Variants in RORA observed in about 807,000 individuals in gnomAD.
RORA encodes nuclear receptor ROR-alpha.
Under a neutral mutation model 69.5 loss-of-function variants are expected in RORA, and 7 were observed. The ratio of observed to expected loss-of-function variants is 0.10; its 90% CI spans 0.06 to 0.19. RORA has a LOEUF of 0.19. Among genes scored for constraint, RORA ranks in the 10% least tolerant of loss-of-function variants. The pLI is 1.00. For missense variants in RORA, 457 were observed against 663.0 expected, an observed-to-expected ratio of 0.69 and a Z score of 3.41; for synonymous variants, 261 against 240.8, an observed-to-expected ratio of 1.08 and a Z score of -0.78.
chr15:60,585,297 T>TA (rs1406122623), intron 2 of RORA, among the ~76,000 whole-genome samples: 8 of 152,230 alleles, frequency 5.3e-5, no homozygotes, highest in Admixed American at 3.9e-4. Flanking sequence ...CTATTTATCC[T>TA]AAAAAATATG....
chr15:60,694,141 T>C (rs2070868754), intron 1 of RORA, among the ~76,000 whole-genome samples: 1 of 152,206 alleles, frequency 6.6e-6, no homozygotes. Flanking sequence ...GTAGTGAAGA[T>C]ACTGTTGGAT....
chr15:60,927,982 C>T (rs1892265723), intron 1 of RORA, among the ~76,000 whole-genome samples: 1 of 152,188 alleles, frequency 6.6e-6, no homozygotes, highest in Non-Finnish European at 1.5e-5. Context: ...TCCTCACAGC[C>T]ATGCCCTTGT....
Position 61,062,619 on chromosome 15 carries a change from G to C in RORA, c.166+166434C>G, listed in dbSNP as rs117706839. On this transcript the variant is annotated intron_variant, in intron 1 of 10. Transcript: ENST00000335670. ...GTCTGTGACCCCTGCTTCTCAGATG[G>C]GCGGCCTTCAGGACTCTCTGGGAGC... 8.2e-3 allele frequency among the ~76,000 whole-genome samples: 1,244 copies of C among 152,268 alleles called. 13 individuals carry two copies. Among genetic ancestry groups the C allele is most frequent in the Non-Finnish European group, 0.011 (717 of 68,014 alleles).
At chr15:61,083,804 G>A (rs1299249946) in intron 1 of RORA, among the ~76,000 whole-genome samples, 1 of 151,844 alleles carries the variant, frequency 6.6e-6, no homozygotes, top group Non-Finnish European at 1.5e-5. Flanking sequence ...GATGGAATAC[G>A]TAGGCTTCTC....
chr15:61,155,041 C>T (rs1188485675), intron 1 of RORA, among the ~76,000 whole-genome samples: 1 of 152,120 alleles, frequency 6.6e-6, no homozygotes, highest in Non-Finnish European at 1.5e-5. Flanking sequence ...AGTATGGTGA[C>T]TGTAGTGAAT....
chr15:60,531,508 C>T lies in RORA; in HGVS notation c.282+258G>A. 2.6e-6 allele frequency: 1 copy of T among 380,222 alleles called. No individual in the cohort carries two copies. Among genetic ancestry groups the T allele is most frequent in the Non-Finnish European group, 4.6e-6 (1 of 216,156 alleles). 23.6% of individuals were successfully genotyped at this position (380,222 alleles called of 1,614,324 possible). A position where few individuals can be genotyped will look rare whatever the true frequency, so the allele number is the denominator to read the frequency against. ...TTGCCACAGAGATTGCTCATGAGTTCAACTCTGGGGTTGAAAGTGATAAAC... is the reference window on the plus strand; with the variant it reads ...TTGCCACAGAGATTGCTCATGAGTTTAACTCTGGGGTTGAAAGTGATAAAC... On this transcript the variant is annotated intron_variant, in intron 3 of 10. Coordinates refer to ENST00000335670, the MANE Select transcript of RORA (RefSeq NM_134261.3). This position sits in a 1 kb window ranked among gnomAD's most constrained non-coding sequence, Gnocchi z 4.8.
intron 1 of RORA, among the ~76,000 whole-genome samples, chr15:61,108,024 C>T (rs1456918626): frequency 3.3e-5 from 5 of 152,184 alleles, no homozygotes; most frequent in Admixed American, 6.5e-5. Context: ...GAAAGAAAAT[C>T]CTGTTCAGCG....
intron 2 of RORA, among the ~76,000 whole-genome samples, chr15:60,644,737 G>C (rs1206772055): frequency 6.6e-6 from 1 of 152,134 alleles, no homozygotes; most frequent in Non-Finnish European, 1.5e-5. Context: ...TCTGTGGCTG[G>C]TGTGTGTCCT....
intron 2 of RORA, among the ~76,000 whole-genome samples, chr15:60,651,284 G>C (rs2070139223): frequency 6.6e-6 from 1 of 152,126 alleles, no homozygotes; most frequent in African/African-American, 2.4e-5. Flanking sequence ...CGAGAAGCAA[G>C]AGATGAAAAA....
At chr15:61,104,993 G>GCTCCCCCCC (rs751911711) in intron 1 of RORA, among the ~76,000 whole-genome samples, 14 of 140,818 alleles carry the variant, frequency 9.9e-5, no homozygotes, top group Non-Finnish European at 1.9e-4. Context: ...TGATCATGAG[G>GCTCCCCCCC]CGCCCCCCCC....
intron 8 of RORA, 84 bp from the exon 9 acceptor site, chr15:60,501,153 C>G: frequency 1.5e-6 from 1 of 670,546 alleles, no homozygotes; most frequent in Non-Finnish European, 2.6e-6. Context: ...TCCTAAGGTT[C>G]TCCTAAGTCC....
At chr15:60,612,434 G>A (rs1235683452) in intron 2 of RORA, among the ~76,000 whole-genome samples, 1 of 152,192 alleles carries the variant, frequency 6.6e-6, no homozygotes, top group Non-Finnish European at 1.5e-5. Context: ...ACTAGTGGAT[G>A]TATGCCCAGT....
At chr15:60,585,087 C>G (rs2068294325) in intron 2 of RORA, among the ~76,000 whole-genome samples, 2 of 151,264 alleles carry the variant, frequency 1.3e-5, no homozygotes, top group Admixed American at 1.3e-4. Flanking sequence ...CTCAGATCAG[C>G]TTTGACTTCT....
chr15:61,128,408 C>T lies in RORA; in HGVS notation c.166+100645G>A, dbSNP rs1057153723. Among the ~76,000 whole-genome samples, 2 of 152,188 alleles carry T rather than the reference C, an allele frequency of 1.3e-5. No individual in the cohort carries two copies. Among genetic ancestry groups the T allele is most frequent in the African/African-American group, 4.8e-5 (2 of 41,444 alleles). On this transcript the variant is annotated intron_variant, in intron 1 of 10. Coordinates refer to ENST00000335670, the MANE Select transcript of RORA (RefSeq NM_134261.3). The surrounding 1 kb of genome is among the most constrained non-coding windows in gnomAD (Gnocchi z 4.5). ...GAAATGTGCAGGATCTCAAATGATG[C>T]TGTAATTCCAGCAGGCTCCTGTTTG...
At chr15:60,794,680 G>A (rs1358889297) in intron 1 of RORA, among the ~76,000 whole-genome samples, 2 of 152,150 alleles carry the variant, frequency 1.3e-5, no homozygotes, top group Non-Finnish European at 2.9e-5. Flanking sequence ...TGTTCAAAAT[G>A]GCAATCATTA....
chr15:61,073,151 G>A (rs935043255), intron 1 of RORA, among the ~76,000 whole-genome samples: 19 of 152,214 alleles, frequency 1.2e-4, no homozygotes, highest in African/African-American at 3.6e-4. Flanking sequence ...GCCAAGGGCC[G>A]GACATGGTCT....
chr15:60,621,432 A>G (rs746375379), intron 2 of RORA, among the ~76,000 whole-genome samples: 29 of 152,136 alleles, frequency 1.9e-4, no homozygotes, highest in Non-Finnish European at 3.8e-4. Flanking sequence ...GCACACACAG[A>G]GAGCTACCTG....
At chr15:61,068,232 TTC>T (rs777034754) in intron 1 of RORA, among the ~76,000 whole-genome samples, 2 of 152,244 alleles carry the variant, frequency 1.3e-5, no homozygotes, top group Non-Finnish European at 2.9e-5. Context: ...GGCTTTGTAT[TTC>T]TCTCTTAGAA....
chr15:60,697,360 G>C (rs1413009074), intron 1 of RORA, among the ~76,000 whole-genome samples: 1 of 152,158 alleles, frequency 6.6e-6, no homozygotes, highest in African/African-American at 2.4e-5. Flanking sequence ...CACAAGCCTA[G>C]GTTAGATGCT....
Sources: gnomAD v4.1 joint callset for allele counts (sites outside exome capture counted in the v4.1 genomes callset) on GRCh38, gnomAD v4.1.1 for gene constraint, Gnocchi (gnomAD v3.1) non-coding constraint, MANE v1.5 for transcripts, NCBI Gene and HGNC (gene_info 2026-07-23, HGNC 2026-07-21) for gene names.